The following DPP6 variants were observed in gnomAD, a reference collection of about 807,000 sequenced individuals.
DPP6 encodes the protein dipeptidyl peptidase like 6.
DPP6 carries 69 observed loss-of-function variants against 122.6 expected under a neutral mutation model. The observed-to-expected ratio is 0.56, with a 90% CI of 0.46 to 0.69. The LOEUF (loss-of-function observed/expected upper bound fraction) is 0.69, where lower values mean the gene tolerates loss of function less well. DPP6 is among the 30% of genes least tolerant of loss of function. The probability of loss-of-function intolerance (pLI) is 0.00; values close to 1 mark genes in which losing one functional copy is unlikely to be tolerated. For synonymous variants in DPP6, 418 were observed against 433.1 expected, an observed-to-expected ratio of 0.97 and a Z score of 0.43; for missense variants, 928 against 1,116.9, an observed-to-expected ratio of 0.83 and a Z score of 2.41.
At chr7:154,696,519 A>G (rs1840227282) in intron 7 of DPP6, among the ~76,000 whole-genome samples, 1 of 152,160 alleles carries the variant, frequency 6.6e-6, no homozygotes, top group South Asian at 2.1e-4. Flanking sequence ...AGGCTAAGAC[A>G]TTTCTTTGAC....
In DPP6 at chr7:154,077,678, T is replaced by TA. The variant is rs111394175; in HGVS notation, c.243+24615_243+24616insA. ...AGATTTTATTTATTATTATTATTAT[T>TA]TTTTTTTTTTTGAGACAGAGTCTCA... On this transcript the variant is annotated intron_variant, in intron 1 of 25. Transcript: ENST00000377770. Among the ~76,000 whole-genome samples the TA allele has an allele frequency of 7.1e-3, 946 of 132,798 alleles. 7 individuals carry two copies. Among genetic ancestry groups the TA allele is most frequent in the South Asian group, 0.012 (54 of 4,448 alleles). 87.1% of individuals were successfully genotyped at this position (132,798 alleles called of 152,430 possible). A position where few individuals can be genotyped will look rare whatever the true frequency, so the allele number is the denominator to read the frequency against.
At chr7:154,363,527 G>A (rs1811907687) in intron 1 of DPP6, among the ~76,000 whole-genome samples, 1 of 152,184 alleles carries the variant, frequency 6.6e-6, no homozygotes, top group African/African-American at 2.4e-5. Context: ...CCAAACAGAA[G>A]GCTTGCAAGT....
intron 1 of DPP6, among the ~76,000 whole-genome samples, chr7:154,425,792 A>G (rs912315257): frequency 6.6e-6 from 1 of 151,746 alleles, no homozygotes; most frequent in African/African-American, 2.4e-5. Context: ...ACAGGCACAC[A>G]CCACTATGCC....
At chr7:154,591,603 C>G (rs147976010) in intron 5 of DPP6, among the ~76,000 whole-genome samples, 35 of 152,236 alleles carry the variant, frequency 2.3e-4, no homozygotes, top group African/African-American at 8.4e-4. Context: ...TGCAGTTCCT[C>G]AGATCCATGG....
intron 8 of DPP6, among the ~76,000 whole-genome samples, chr7:154,738,449 T>A (rs1359988271): frequency 1.3e-5 from 2 of 152,256 alleles, no homozygotes; most frequent in African/African-American, 4.8e-5. Flanking sequence ...ATCTGTACCC[T>A]GGGAGTTCTC....
intron 1 of DPP6, among the ~76,000 whole-genome samples, chr7:154,006,762 A>G (rs143542786): frequency 0.051 from 7,834 of 152,320 alleles, 258 homozygotes; most frequent in South Asian, 0.089. Context: ...TTAAAAGACT[A>G]TCTGCACGCA....
At chr7:154,848,578 T>C (rs957730672) in intron 16 of DPP6, among the ~76,000 whole-genome samples, 3 of 152,244 alleles carry the variant, frequency 2.0e-5, no homozygotes, top group Admixed American at 6.5e-5. Context: ...TTATGTGATA[T>C]ATGATTTGCC....
the DPP6 span, among the ~76,000 whole-genome samples, chr7:153,818,414 G>T: frequency 1.2e-4 from 19 of 152,076 alleles, no homozygotes; most frequent in African/African-American, 4.6e-4. Flanking sequence ...AGCATTGTTT[G>T]TAAAAGTAAA....
the DPP6 span, among the ~76,000 whole-genome samples, chr7:153,819,453 C>G: frequency 2.0e-5 from 3 of 151,232 alleles, no homozygotes; most frequent in Admixed American, 6.6e-5. Context: ...CTATTCCTGC[C>G]TGAGTGGCTT....
chr7:153,786,109 G>T, the DPP6 span, among the ~76,000 whole-genome samples: 1 of 152,044 alleles, frequency 6.6e-6, no homozygotes, highest in Non-Finnish European at 1.5e-5. Flanking sequence ...TTTATAATTG[G>T]CCATGTACTG....
chr7:154,712,654 A>G (rs745391476), intron 7 of DPP6, among the ~76,000 whole-genome samples: 2 of 152,238 alleles, frequency 1.3e-5, no homozygotes, highest in Non-Finnish European at 2.9e-5. Context: ...AAAGCCCCTT[A>G]GAAAACCATC....
At chr7:153,913,498 TATG>T (rs1261618837) in intron 1 of DPP6, among the ~76,000 whole-genome samples, 3 of 152,200 alleles carry the variant, frequency 2.0e-5, no homozygotes, top group African/African-American at 4.8e-5. Flanking sequence ...TGGATAAAAA[TATG>T]ATGACTGACC....
intron 1 of DPP6, among the ~76,000 whole-genome samples, chr7:154,134,578 A>G (rs1383937428): frequency 6.6e-6 from 1 of 152,198 alleles, no homozygotes; most frequent in Non-Finnish European, 1.5e-5. Context: ...GTGCAGATCC[A>G]AATGGTGTGT....
At chr7:154,269,847 G>A (rs564067527) in intron 1 of DPP6, among the ~76,000 whole-genome samples, 3 of 152,160 alleles carry the variant, frequency 2.0e-5, no homozygotes, top group Non-Finnish European at 4.4e-5. Flanking sequence ...TTAAGGAAAT[G>A]TGATGTATAA....
intron 19 of DPP6, among the ~76,000 whole-genome samples, chr7:154,874,488 C>T (rs1023050270): frequency 6.6e-6 from 1 of 152,168 alleles, no homozygotes; most frequent in Non-Finnish European, 1.5e-5. Flanking sequence ...AATGTGATAG[C>T]AAGGAGATCT....
At chr7:154,641,151 C>G (rs1363915255) in intron 6 of DPP6, among the ~76,000 whole-genome samples, 1 of 152,164 alleles carries the variant, frequency 6.6e-6, no homozygotes, top group Admixed American at 6.5e-5. Context: ...GCTGTGACCT[C>G]TATAGCTGGG....
At chr7:153,962,416 G>A (rs1398460681) in intron 1 of DPP6, among the ~76,000 whole-genome samples, 1 of 151,994 alleles carries the variant, frequency 6.6e-6, no homozygotes, top group Non-Finnish European at 1.5e-5. Context: ...TCAAGTTCTC[G>A]TCTTTTGTGC....
At chr7:153,947,928 C>T (rs1486358076) in intron 1 of DPP6, among the ~76,000 whole-genome samples, 3 of 152,152 alleles carry the variant, frequency 2.0e-5, no homozygotes, top group South Asian at 2.1e-4. Context: ...TTCAGTATGC[C>T]AAGGTAGCAT....
In DPP6 at chr7:154,777,820, G is replaced by A. The variant is rs1239211752; in HGVS notation, c.1136+4878G>A. Among the ~76,000 whole-genome samples the A allele has an allele frequency of 2.0e-5, 3 of 152,204 alleles. No individual in the cohort carries two copies. The East Asian group carries it at 5.8e-4, about 30-fold the overall frequency. ...AACCAACCATGTCCCTGATGCACCT[G>A]TGCGCAGCTGTGGGGGCTCACTCCT... On this transcript the variant is annotated intron_variant, in intron 10 of 25. Coordinates refer to ENST00000377770, the MANE Select transcript of DPP6 (RefSeq NM_130797.4).
Sources: allele counts gnomAD v4.1 joint callset (sites outside exome capture counted in the v4.1 genomes callset), GRCh38; gene constraint gnomAD v4.1.1; transcripts MANE v1.5; gene names NCBI Gene and HGNC (gene_info 2026-07-23, HGNC 2026-07-21).